WDR81: variants seen among roughly 807,000 people sequenced by gnomAD.
WDR81 encodes WD repeat-containing protein 81.
WDR81 carries 92 observed loss-of-function variants against 140.8 expected under a neutral mutation model. The ratio of observed to expected loss-of-function variants is 0.65; its 90% CI spans 0.55 to 0.78. WDR81 has a LOEUF of 0.78. WDR81 is among the 30% of genes least tolerant of loss of function. The pLI, the probability that WDR81 is intolerant of heterozygous loss-of-function variation, is 0.00. For missense variants in WDR81, 2,502 were observed against 2,636.4 expected (o/e 0.95, Z 1.12); for synonymous variants, 1,183 against 1,156.4 (o/e 1.02, Z -0.47).
rs1904477108 is a variant in WDR81 at position 1,732,798 on chromosome 17, T to G, written c.4456T>G (p.Tyr1486Asp). The G allele has an allele frequency of 1.9e-6, 3 of 1,612,586 alleles. No individual in the cohort carries two copies. In the South Asian group the frequency reaches 3.3e-5, roughly 18 times the overall value. The change falls in exon 6 of 10, where the codon TAC becomes GAC. Residue 1486 changes from tyrosine to aspartate, a missense_variant. Physicochemically the swap from Tyr to Asp is radical, Grantham distance 160. This residue lies in a region of WDR81 where 1,737 missense variants were observed against 1,843.0 expected (regional missense o/e 0.94). Transcript: ENST00000409644. The part of the protein sequence containing the change: ...LQKVFTLEMA[Y>D]TIYVPFSCLL... ...GAAGGTGTTCACCCTGGAGATGGCA[T>G]ACACAATCTACGTGCCCTTCTCCTG... is the stretch of plus-strand genomic sequence containing the variant.
In WDR81 at chr17:1,730,830, G is replaced by A; in HGVS notation, c.3851G>A (p.Arg1284Lys). The change falls in exon 3 of 10, where the codon AGG (arginine) becomes AAG (lysine). Residue 1284 changes from arginine (R) to lysine (K), a missense_variant. By Grantham distance (26) the Arg-to-Lys change is conservative (BLOSUM62 2). Around this residue, in one of 3 missense-constraint regions of WDR81, gnomAD observed 1,737 missense variants for 1,843.0 expected, o/e 0.94. Transcript: ENST00000409644. ...AGCGCCGGCAACATCTACCAGAAGAGGCCGGTCCTGGGCGACATCGTGTCA... is the reference window on the plus strand; with the variant it reads ...AGCGCCGGCAACATCTACCAGAAGAAGCCGGTCCTGGGCGACATCGTGTCA... ...PLSAGNIYQKRPVLGDIVSGP... is the reference protein window; with the variant it reads ...PLSAGNIYQKKPVLGDIVSGP... 6.2e-7 allele frequency: 1 copy of A among 1,612,714 alleles called. No individual in the cohort carries two copies. The highest frequency in any genetic ancestry group is 1.7e-5 in the Admixed American group (1 of 60,030).
chr17:1,723,457 T>TTTA (rs1914997161), upstream of WDR81, among the ~76,000 whole-genome samples: 396 of 130,544 alleles, frequency 3.0e-3, no homozygotes, highest in Non-Finnish European at 4.0e-3. Flanking sequence ...ATTTATTTAT[T>TTTA]TTTATTTATT....
intron 5 of WDR81, 56 bp from the exon 6 acceptor site, chr17:1,732,610 G>A: frequency 1.9e-6 from 3 of 1,571,650 alleles, no homozygotes; most frequent in Non-Finnish European, 2.6e-6. Context: ...GAGGACCAGG[G>A]TGGGCCAGGG....
Position 1,732,847 on chromosome 17 carries a change from G to A in WDR81, c.4489+16G>A, listed in dbSNP as rs774267923. ...TGCCTGTTGGGTACTGCCCCATCAC[G>A]TTCCCCATCACAGTCTTCGTGGCTG... On this transcript the variant is annotated intron_variant, in intron 6 of 9. Transcript: ENST00000409644. 2.7e-5 allele frequency: 43 copies of A among 1,582,244 alleles called. No individual in the cohort carries two copies. The highest frequency in any genetic ancestry group is 3.5e-5 in the Admixed American group (2 of 57,054).
At position 1,735,646 on chromosome 17, in the gene WDR81, C is replaced by T. The variant is rs747032102; in HGVS notation, c.5254C>T (p.His1752Tyr). ...LTAVAVMPAPHTSITMASSDS... is the reference protein window; with the variant it reads ...LTAVAVMPAPYTSITMASSDS... Reference sequence around the variant, plus strand: ...TGCGGTGGCTGTCATGCCCGCCCCCCACACCAGCATCACCATGGCCAGCTC... The same window carrying T: ...TGCGGTGGCTGTCATGCCCGCCCCCTACACCAGCATCACCATGGCCAGCTC... Residue 1752 changes from histidine to tyrosine, a missense_variant, in exon 8 of 10, where the codon CAC becomes TAC. His to Tyr is a moderately conservative substitution (Grantham distance 83). Coordinates refer to ENST00000409644, the MANE Select transcript of WDR81 (RefSeq NM_001163809.2). The surrounding 1 kb of genome is among the most constrained non-coding windows in gnomAD (Gnocchi z 4.2). 2.5e-6 allele frequency: 4 copies of T among 1,612,978 alleles called. No individual in the cohort carries two copies. In the Admixed American group the frequency reaches 5.0e-5, roughly 20 times the overall value.
intron 1 of WDR81, 123 bp from the exon 2 acceptor site, chr17:1,730,257 C>T: frequency 2.6e-6 from 2 of 775,504 alleles, no homozygotes; most frequent in Non-Finnish European, 4.1e-6. Context: ...GGACAGCCGG[C>T]CCGGGCTGGG....
In WDR81 at chr17:1,738,491, T is replaced by A. The variant is rs1342706541; in HGVS notation, c.*806T>A. 1 of 152,704 alleles carries A rather than the reference T, an allele frequency of 6.5e-6. No individual in the cohort carries two copies. The highest frequency in any genetic ancestry group is 1.5e-5 in the Non-Finnish European group (1 of 68,336). 9.5% of individuals were successfully genotyped at this position (152,704 alleles called of 1,614,324 possible). On this transcript the variant is annotated 3_prime_UTR_variant, in exon 10 of 10. Coordinates refer to ENST00000409644, the MANE Select transcript of WDR81 (RefSeq NM_001163809.2). ...CTTAAGCATCCCTGCGACCTCACAT[T>A]CTAGACAGAGATGAGGTCCAGGGGT...
In WDR81 at chr17:1,735,616, CT is replaced by C. The variant is rs775330887; in HGVS notation, c.5225del (p.Leu1742ArgfsTer43). The C allele has an allele frequency of 8.1e-6, 13 of 1,612,684 alleles. No homozygotes were observed. The South Asian group carries it at 1.1e-4, about 14-fold the overall frequency. On this transcript the variant is annotated frameshift_variant, in exon 8 of 10. Coordinates refer to ENST00000409644, the MANE Select transcript of WDR81 (RefSeq NM_001163809.2). LOFTEE classifies it high-confidence loss of function. This position sits in a 1 kb window ranked among gnomAD's most constrained non-coding sequence, Gnocchi z 4.2. ...TVEPLDSRVP[L>X]TAVAVMPAPH... ...GGAGCCGCTGGACAGCCGGGTGCCC[CT>C]GACTGCGGTGGCTGTCATGCCCGCC... is the stretch of plus-strand genomic sequence containing the variant.
intron 1 of WDR81, among the ~76,000 whole-genome samples, chr17:1,719,199 G>T (rs1914736920): frequency 1.3e-5 from 2 of 152,184 alleles, no homozygotes. Context: ...AACATACGGT[G>T]AATAAGGAAT....
intron 8 of WDR81, 28 bp from the exon 9 acceptor site, chr17:1,736,011 C>T: frequency 6.4e-7 from 1 of 1,565,078 alleles, no homozygotes; most frequent in Non-Finnish European, 8.6e-7. Flanking sequence ...GAAGGTGGTG[C>T]CTCAGCTCAG....
rs918966693 is a variant in WDR81 at position 1,732,590 on chromosome 17, G to A, written c.4324-76G>A. On this transcript the variant is annotated intron_variant, in intron 5 of 9. Transcript: ENST00000409644. ...CATAGGATCTGAAGCTGGACTCCGC[G>A]GGCCGTGGCGAGGACCAGGGTGGGC... 12 of 1,571,642 alleles carry A rather than the reference G, an allele frequency of 7.6e-6. No homozygotes were observed. In the East Asian group the frequency reaches 9.0e-5, roughly 12 times the overall value.
chr17:1,727,598 T>C lies in WDR81; in HGVS notation c.2639T>C (p.Leu880Pro). 1 of 1,550,572 alleles carries C rather than the reference T, an allele frequency of 6.4e-7. No homozygotes were observed. The highest frequency in any genetic ancestry group is 2.0e-5 in the Admixed American group (1 of 51,000). The change falls in exon 1 of 10, where the codon CTG (leucine) becomes CCG (proline). Residue 880 changes from leucine to proline, a missense_variant. Transcript: ENST00000409644. The stretch of plus-strand genomic sequence containing the variant: ...CCCTTCCCACCCTACTTCCCGGCAC[T>C]GCACAGATTCATCCTCCTGTACCAG... ...VVPFPPYFPA[L>P]HRFILLYQAR... is the part of the protein sequence containing the mutation.
In WDR81 at chr17:1,736,111, A is replaced by G. The variant is rs2151177337; in HGVS notation, c.5398A>G (p.Ser1800Gly). Residue 1800 changes from serine (S) to glycine (G), a missense_variant, in exon 9 of 10, where the codon AGT (serine) becomes GGT (glycine). Physicochemically the swap from Ser to Gly is moderately conservative, Grantham distance 56. Coordinates refer to ENST00000409644, the MANE Select transcript of WDR81 (RefSeq NM_001163809.2). ...CCTGGCCATCAGCCCCAGTGGCCGT[A>G]GTGTCGTGGCCGGCTTCTCCTCAGG... ...RALAISPSGR[S>G]VVAGFSSGFM... The G allele has an allele frequency of 1.2e-6, 2 of 1,602,712 alleles. No homozygotes were observed. The highest frequency in any genetic ancestry group is 1.7e-6 in the Non-Finnish European group (2 of 1,179,852).
At chr17:1,736,354 C>A in intron 9 of WDR81, 136 bp downstream of exon 9, 1 of 1,131,854 alleles carries the variant, frequency 8.8e-7, no homozygotes, top group Non-Finnish European at 1.2e-6. Context: ...ACTAACTGGG[C>A]AGGGAGGGTA....
Position 1,734,105 on chromosome 17 carries a change from C to T in WDR81, c.5068C>T (p.Arg1690Cys), listed in dbSNP as rs752922749. The T allele has an allele frequency of 9.0e-6, 14 of 1,561,806 alleles. No homozygotes were observed. Among genetic ancestry groups the T allele is most frequent in the South Asian group, 7.0e-5 (6 of 86,002 alleles). Residue 1690 changes from arginine to cysteine, a missense_variant, in exon 7 of 10, where the codon CGC becomes TGC. Arg to Cys is a radical substitution (Grantham distance 180). Around this residue, in one of 3 missense-constraint regions of WDR81, gnomAD observed 1,737 missense variants for 1,843.0 expected, o/e 0.94. Transcript: ENST00000409644. The part of the protein sequence containing the change: ...YGDGTSETAP[R>C]LVYTQHRKSV... ...CGACGGGACCAGCGAGACGGCCCCACGCCTCGTCTACACCCAGCACCGCAA... is the reference window on the plus strand; with the variant it reads ...CGACGGGACCAGCGAGACGGCCCCATGCCTCGTCTACACCCAGCACCGCAA...
rs990819256 is a variant in WDR81, at chr17:1,735,475, C to T, written c.5180-97C>T. 44 of 1,227,896 alleles carry T rather than the reference C, an allele frequency of 3.6e-5. No individual in the cohort carries two copies. The Middle Eastern group carries it at 8.7e-4, about 24-fold the overall frequency. The allele number at this position is 1,227,896 out of a possible 1,614,324, so 76.1% of individuals were successfully genotyped here. A position where few individuals can be genotyped will look rare whatever the true frequency, so the allele number is the denominator to read the frequency against. On this transcript the variant is annotated intron_variant, in intron 7 of 9. Transcript: ENST00000409644. This position sits in a 1 kb window ranked among gnomAD's most constrained non-coding sequence, Gnocchi z 4.2. Reference sequence around the variant, plus strand: ...GCATTTTCTAAGGATCCCTGGGGGACGGGAGGCAGGTGTGCGGTGAGTTGG... The same window carrying T: ...GCATTTTCTAAGGATCCCTGGGGGATGGGAGGCAGGTGTGCGGTGAGTTGG...
rs561992235 is a variant in WDR81 at position 1,726,920 on chromosome 17, C to T, written c.1961C>T (p.Ala654Val). 2 of 1,550,450 alleles carry T rather than the reference C, an allele frequency of 1.3e-6. No homozygotes were observed. Among genetic ancestry groups the T allele is most frequent in the Admixed American group, 2.0e-5 (1 of 51,008 alleles). ...EASWTRDRPV[A>V]GEDDLEQATE... Reference sequence around the variant, plus strand: ...AGCTGGACCAGAGACAGGCCGGTGGCAGGAGAAGACGACTTGGAACAGGCC... The same window carrying T: ...AGCTGGACCAGAGACAGGCCGGTGGTAGGAGAAGACGACTTGGAACAGGCC... Residue 654 changes from alanine to valine, a missense_variant, in exon 1 of 10, where the codon GCA becomes GTA. Around this residue, in one of 3 missense-constraint regions of WDR81, gnomAD observed 1,737 missense variants for 1,843.0 expected, o/e 0.94. Transcript: ENST00000409644.
At chr17:1,732,535 G>T in intron 5 of WDR81, 45 bp downstream of exon 5, 1 of 1,599,358 alleles carries the variant, frequency 6.3e-7, no homozygotes, top group Non-Finnish European at 8.5e-7. Context: ...CGGGGGCTGT[G>T]GACCTGGGTG....
At chr17:1,731,670 A>C (rs1239304352) in intron 4 of WDR81, among the ~76,000 whole-genome samples, 1 of 152,112 alleles carries the variant, frequency 6.6e-6, no homozygotes, top group African/African-American at 2.4e-5. Context: ...TTGGGGGGCC[A>C]AGGCGGGTGG....
Sources: gnomAD v4.1 joint callset for allele counts (sites outside exome capture counted in the v4.1 genomes callset) on GRCh38, gnomAD v4.1.1 for gene constraint, gnomAD v4.1.1 regional missense constraint, Gnocchi (gnomAD v3.1) non-coding constraint, MANE v1.5 for transcripts, NCBI Gene and HGNC (gene_info 2026-07-23, HGNC 2026-07-21) for gene names.